Variants in SPOCK1 observed in about 807,000 individuals in gnomAD.
SPOCK1 encodes SPARC (osteonectin), cwcv and kazal like domains proteoglycan 1.
Under a neutral mutation model 55.3 loss-of-function variants are expected in SPOCK1, and 23 were observed. The observed-to-expected ratio is 0.42, with a 90% CI of 0.30 to 0.59. The LOEUF (loss-of-function observed/expected upper bound fraction) is 0.59. Among genes scored for constraint, SPOCK1 ranks in the 20% least tolerant of loss-of-function variants. The pLI, the probability that SPOCK1 is intolerant of heterozygous loss-of-function variation, is 0.22. For synonymous variants in SPOCK1, 226 were observed against 221.0 expected (o/e 1.02, Z -0.20); for missense variants, 499 against 552.5 (o/e 0.90, Z 0.97).
At chr5:137,127,098 G>A (rs1047139351) in intron 4 of SPOCK1, among the ~76,000 whole-genome samples, 1 of 152,228 alleles carries the variant, frequency 6.6e-6, no homozygotes, top group Non-Finnish European at 1.5e-5. Flanking sequence ...AAGGAGATTA[G>A]TATGGGTCAG....
intron 5 of SPOCK1, among the ~76,000 whole-genome samples, chr5:137,109,558 A>G (rs536015457): frequency 6.6e-6 from 1 of 152,234 alleles, no homozygotes; most frequent in African/African-American, 2.4e-5. Flanking sequence ...AGGCAATTAT[A>G]ATACCGAGTA....
At chr5:137,051,016 A>G (rs1466380903) in intron 6 of SPOCK1, among the ~76,000 whole-genome samples, 4 of 152,224 alleles carry the variant, frequency 2.6e-5, no homozygotes, top group South Asian at 2.1e-4. Context: ...TGTAAATCCA[A>G]TCTAAATATC....
In SPOCK1 at chr5:137,246,120, C is replaced by CT. The variant is rs1339091328; in HGVS notation, c.232+20889dup. The stretch of plus-strand genomic sequence containing the variant: ...AAGCAGCCCATCATTATAGTCAACT[C>CT]TATCTACTGAGAGGAAACAGCAGAA... On this transcript the variant is annotated intron_variant, in intron 3 of 10. Coordinates refer to ENST00000394945, the MANE Select transcript of SPOCK1 (RefSeq NM_004598.4). Among the ~76,000 whole-genome samples the CT allele has an allele frequency of 2.0e-5, 3 of 152,326 alleles. No individual in the cohort carries two copies. The East Asian group carries it at 5.8e-4, about 29-fold the overall frequency.
chr5:137,026,417 G>C (rs930658272), intron 6 of SPOCK1, among the ~76,000 whole-genome samples: 1 of 152,160 alleles, frequency 6.6e-6, no homozygotes, highest in Non-Finnish European at 1.5e-5. Context: ...TTACTCGAAG[G>C]CTTTAAAAGA....
chr5:137,306,420 T>C (rs1757701851), intron 2 of SPOCK1, among the ~76,000 whole-genome samples: 1 of 152,232 alleles, frequency 6.6e-6, no homozygotes, highest in Non-Finnish European at 1.5e-5. Flanking sequence ...ACAGAATTAA[T>C]TAGATTCCCT....
intron 4 of SPOCK1, among the ~76,000 whole-genome samples, chr5:137,138,146 G>T (rs1399523182): frequency 2.6e-5 from 4 of 152,198 alleles, no homozygotes; most frequent in Non-Finnish European, 5.9e-5. Flanking sequence ...AAAATAACTT[G>T]CCAAGGCCAC....
chr5:137,023,753 T>C (rs760226115), intron 6 of SPOCK1, among the ~76,000 whole-genome samples: 8 of 152,262 alleles, frequency 5.3e-5, no homozygotes, highest in Non-Finnish European at 8.8e-5. Flanking sequence ...GTGATTTTCT[T>C]CCTCTGTCCC....
intron 2 of SPOCK1, among the ~76,000 whole-genome samples, chr5:137,464,322 A>G (rs1028225449): frequency 1.3e-5 from 2 of 152,154 alleles, no homozygotes; most frequent in African/African-American, 4.8e-5. Flanking sequence ...ATAAACAAAC[A>G]AACAAAGGCT....
chr5:137,488,847 T>C (rs1754116293), intron 2 of SPOCK1, among the ~76,000 whole-genome samples: 1 of 152,192 alleles, frequency 6.6e-6, no homozygotes, highest in South Asian at 2.1e-4. Flanking sequence ...TGGAGTGTGA[T>C]GTGTCCCAGA....
intron 2 of SPOCK1, among the ~76,000 whole-genome samples, chr5:137,415,947 TA>T: frequency 6.6e-6 from 1 of 151,996 alleles, no homozygotes. Context: ...ACAGATCCAA[TA>T]ATCTCAATGA....
intron 2 of SPOCK1, among the ~76,000 whole-genome samples, chr5:137,414,299 G>C (rs4976352): frequency 2.0e-5 from 3 of 152,220 alleles, no homozygotes; most frequent in Non-Finnish European, 2.9e-5. Context: ...TGGCAAAAGA[G>C]AGTGACCAGA....
At chr5:137,471,565 A>C (rs1753738748) in intron 2 of SPOCK1, among the ~76,000 whole-genome samples, 1 of 152,172 alleles carries the variant, frequency 6.6e-6, no homozygotes, top group South Asian at 2.1e-4. Flanking sequence ...ATCCACCACC[A>C]CTGCTTTTTC....
chr5:137,296,002 A>G (rs1341439886), intron 2 of SPOCK1, among the ~76,000 whole-genome samples: 1 of 152,134 alleles, frequency 6.6e-6, no homozygotes, highest in Non-Finnish European at 1.5e-5. Flanking sequence ...TAGAGTCTTC[A>G]GGAGGTGATT....
chr5:137,143,792 T>G (rs992676488), intron 3 of SPOCK1, among the ~76,000 whole-genome samples: 1 of 152,206 alleles, frequency 6.6e-6, no homozygotes, highest in African/African-American at 2.4e-5. Context: ...CATTTAATTT[T>G]CATAGCCACC....
chr5:137,232,444 G>A (rs1363863316), intron 3 of SPOCK1, among the ~76,000 whole-genome samples: 1 of 152,204 alleles, frequency 6.6e-6, no homozygotes, highest in Non-Finnish European at 1.5e-5. Context: ...TGGAAAGGCT[G>A]TCTTTTCTCC....
At chr5:137,140,763 T>C (rs1032696919) in intron 3 of SPOCK1, 69 bp from the exon 4 acceptor site, 7 of 1,126,094 alleles carry the variant, frequency 6.2e-6, no homozygotes, top group Admixed American at 3.1e-5. Flanking sequence ...TTTTTTTTTT[T>C]TTTTTTTTTT....
chr5:137,140,575 C>G lies in SPOCK1; in HGVS notation c.347+5G>C. ...AGCCCCCAGCCCCCGGCCTTCCTGCCTTACCTGGGGAGCAGGTGCTTGCGG... is the reference window on the plus strand; with the variant it reads ...AGCCCCCAGCCCCCGGCCTTCCTGCGTTACCTGGGGAGCAGGTGCTTGCGG... On this transcript the variant is annotated splice_donor_5th_base_variant and intron_variant, in intron 4 of 10. Coordinates refer to ENST00000394945, the MANE Select transcript of SPOCK1 (RefSeq NM_004598.4). 6.2e-7 allele frequency: 1 copy of G among 1,611,566 alleles called. No homozygotes were observed.
At position 137,079,540 on chromosome 5, in the gene SPOCK1, C is replaced by G. The variant is rs539463839; in HGVS notation, c.475-11711G>C. On this transcript the variant is annotated intron_variant, in intron 5 of 10. Transcript: ENST00000394945. ...CCTACCATCCCATCTGATTCCCCCCCCCCCCGACTTAGTGAAATGTCGTAC... is the reference window on the plus strand; with the variant it reads ...CCTACCATCCCATCTGATTCCCCCCGCCCCCGACTTAGTGAAATGTCGTAC... Among the ~76,000 whole-genome samples, 561 of 147,462 alleles carry G rather than the reference C, an allele frequency of 3.8e-3. 25 individuals are homozygous for G. Among genetic ancestry groups the G allele is most frequent in the African/African-American group, 0.014 (538 of 38,390 alleles).
rs1367878363 is a variant in SPOCK1, at chr5:136,976,972, A to T, written c.*1682T>A. 1 of 152,204 alleles carries T rather than the reference A, an allele frequency of 6.6e-6. No individual in the cohort carries two copies. Among genetic ancestry groups the T allele is most frequent in the Non-Finnish European group, 1.5e-5 (1 of 68,050 alleles). The allele number at this position is 152,204 out of a possible 1,614,324, so 9.4% of individuals were successfully genotyped here. A position where few individuals can be genotyped will look rare whatever the true frequency, so the allele number is the denominator to read the frequency against. ...CTATAATCATGTTTTGGCTGAACAT[A>T]TTTCTTGCTTGAGTTTATGTGGCTT... On this transcript the variant is annotated 3_prime_UTR_variant, in exon 11 of 11. Transcript: ENST00000394945.
Sources: allele counts gnomAD v4.1 joint callset (sites outside exome capture counted in the v4.1 genomes callset), GRCh38; gene constraint gnomAD v4.1.1; transcripts MANE v1.5; gene names NCBI Gene and HGNC (gene_info 2026-07-23, HGNC 2026-07-21).